The following SV2B variants were observed in gnomAD, a reference collection of about 807,000 sequenced individuals.
SV2B encodes the protein solute carrier family 22 member B2.
Under a neutral mutation model 73.9 loss-of-function variants are expected in SV2B, and 41 were observed. That is an observed-to-expected ratio of 0.56 (90% CI 0.43 to 0.72). The LOEUF (loss-of-function observed/expected upper bound fraction) is 0.72, where lower values mean the gene tolerates loss of function less well. Among genes scored for constraint, SV2B ranks in the 30% least tolerant of loss-of-function variants. The pLI is 0.00. For missense variants in SV2B, 764 were observed against 857.8 expected (o/e 0.89, Z 1.37); for synonymous variants, 314 against 314.2 (o/e 1.00, Z 0.01).
At chr15:91,213,549 C>T (rs1258904832) in intron 1 of SV2B, among the ~76,000 whole-genome samples, 2 of 152,034 alleles carry the variant, frequency 1.3e-5, no homozygotes, top group Non-Finnish European at 2.9e-5. Context: ...TTTCTCTCCA[C>T]CTCGAAGGCA....
intron 1 of SV2B, among the ~76,000 whole-genome samples, chr15:91,153,123 G>A (rs2043365667): frequency 6.6e-6 from 1 of 152,154 alleles, no homozygotes; most frequent in South Asian, 2.1e-4. Flanking sequence ...GGGAGATGGA[G>A]GGATCAGGCA....
intron 1 of SV2B, among the ~76,000 whole-genome samples, chr15:91,167,967 C>G (rs988517728): frequency 2.6e-5 from 4 of 152,036 alleles, no homozygotes; most frequent in Non-Finnish European, 5.9e-5. Flanking sequence ...TTTTCACGGC[C>G]TTTGTGGTGC....
Position 91,220,878 on chromosome 15 carries a change from T to A in SV2B, c.-391-4995T>A, listed in dbSNP as rs764846442. The stretch of plus-strand genomic sequence containing the variant: ...TTATTATTTTATTTTATTTTATTTT[T>A]TTGAGACAGGGGTCTCTCTCTTTCA... On this transcript the variant is annotated intron_variant, in intron 1 of 12. Coordinates refer to ENST00000394232, the MANE Select transcript of SV2B (RefSeq NM_001323032.3). The surrounding 1 kb of genome is among the most constrained non-coding windows in gnomAD (Gnocchi z 4.1). Among the ~76,000 whole-genome samples, 4 of 135,030 alleles carry A rather than the reference T, an allele frequency of 3.0e-5. No homozygotes were observed. Among genetic ancestry groups the A allele is most frequent in the Non-Finnish European group, 4.6e-5 (3 of 65,060 alleles). 88.6% of individuals were successfully genotyped at this position (135,030 alleles called of 152,430 possible).
intron 1 of SV2B, among the ~76,000 whole-genome samples, chr15:91,159,277 G>C (rs74506025): frequency 6.6e-6 from 1 of 152,048 alleles, no homozygotes; most frequent in Non-Finnish European, 1.5e-5. Context: ...TATAATGTTC[G>C]GTCTTTTACA....
chr15:91,246,065 C>CAAAAA (rs5814471), intron 2 of SV2B, among the ~76,000 whole-genome samples: 1 of 127,706 alleles, frequency 7.8e-6, no homozygotes, highest in African/African-American at 2.9e-5. Context: ...TATGAGTTAG[C>CAAAAA]AAAAAAAAAA....
intron 2 of SV2B, among the ~76,000 whole-genome samples, chr15:91,237,408 TG>T (rs934683769): frequency 1.3e-5 from 2 of 152,176 alleles, no homozygotes; most frequent in African/African-American, 2.4e-5. Flanking sequence ...AAATGTCCCC[TG>T]GGGGGAAAAA....
chr15:91,252,395 T>C lies in SV2B; in HGVS notation c.659T>C (p.Phe220Ser). Residue 220 changes from phenylalanine to serine, a missense_variant, in exon 4 of 13, where the codon TTT (phenylalanine) becomes TCT (serine). Physicochemically the swap from Phe to Ser is radical, Grantham distance 155. Transcript: ENST00000394232. The surrounding 1 kb of genome is among the most constrained non-coding windows in gnomAD (Gnocchi z 4.6). ...IGIGGALPIVFAYFSEFLSRE... is the reference protein window; with the variant it reads ...IGIGGALPIVSAYFSEFLSRE... ...ATTGGGGGTGCTCTACCGATTGTTT[T>C]TGCCTATTTTTCTGAATTCTTGTCT... 6.2e-7 allele frequency: 1 copy of C among 1,613,156 alleles called. No individual in the cohort carries two copies. Among genetic ancestry groups the C allele is most frequent in the African/African-American group, 1.3e-5 (1 of 74,964 alleles).
intron 1 of SV2B, among the ~76,000 whole-genome samples, chr15:91,138,998 T>C (rs144072280): frequency 7.7e-4 from 117 of 152,342 alleles, no homozygotes; most frequent in African/African-American, 2.7e-3. Context: ...ACCAGTGAAA[T>C]TACGAGACGA....
chr15:91,242,122 C>T lies in SV2B; in HGVS notation c.452-9697C>T, dbSNP rs375966921. ...AACTCTAACGGTTAGCCACTCTCTCCTCCTTGATGCGCTTTCTTTATTGGA... is the reference window on the plus strand; with the variant it reads ...AACTCTAACGGTTAGCCACTCTCTCTTCCTTGATGCGCTTTCTTTATTGGA... On this transcript the variant is annotated intron_variant, in intron 2 of 12. Coordinates refer to ENST00000394232, the MANE Select transcript of SV2B (RefSeq NM_001323032.3). This position sits in a 1 kb window ranked among gnomAD's most constrained non-coding sequence, Gnocchi z 4.9. Among the ~76,000 whole-genome samples, 3 of 152,220 alleles carry T rather than the reference C, an allele frequency of 2.0e-5. No individual in the cohort carries two copies. Among genetic ancestry groups the T allele is most frequent in the African/African-American group, 7.2e-5 (3 of 41,460 alleles).
rs1333809330 is a variant in SV2B at position 91,135,630 on chromosome 15, A to G, written c.-392+35267A>G. 2.0e-5 allele frequency among the ~76,000 whole-genome samples: 3 copies of G among 152,110 alleles called. No individual in the cohort carries two copies. The South Asian group carries it at 6.2e-4, about 32-fold the overall frequency. On this transcript the variant is annotated intron_variant, in intron 1 of 12. Coordinates refer to ENST00000394232, the MANE Select transcript of SV2B (RefSeq NM_001323032.3). ...GTCTGATATGAAAATCGAAACCATGACGCCATCCTGCCTGCTCATTCATAA... is the reference window on the plus strand; with the variant it reads ...GTCTGATATGAAAATCGAAACCATGGCGCCATCCTGCCTGCTCATTCATAA...
In SV2B at chr15:91,118,468, G is replaced by A. The variant is rs564582300; in HGVS notation, c.-392+18105G>A. Among the ~76,000 whole-genome samples the A allele has an allele frequency of 2.6e-5, 4 of 152,206 alleles. No homozygotes were observed. The highest frequency in any genetic ancestry group is 5.9e-5 in the Non-Finnish European group (4 of 68,040). On this transcript the variant is annotated intron_variant, in intron 1 of 12. Transcript: ENST00000394232. The surrounding 1 kb of genome is among the most constrained non-coding windows in gnomAD (Gnocchi z 4.7). ...TTTCCTTTGCATTCATTGAGGGCTT[G>A]GGAAGGTACAGAAAGCTCCACAGGA... is the stretch of plus-strand genomic sequence containing the variant.
At chr15:91,222,827 T>C (rs529890130) in intron 1 of SV2B, among the ~76,000 whole-genome samples, 1 of 152,344 alleles carries the variant, frequency 6.6e-6, no homozygotes, top group African/African-American at 2.4e-5. Flanking sequence ...TAAGAATAAA[T>C]GAGGTATTGC....
intron 11 of SV2B, among the ~76,000 whole-genome samples, chr15:91,285,055 G>A (rs1049868844): frequency 6.6e-6 from 1 of 152,018 alleles, no homozygotes; most frequent in Non-Finnish European, 1.5e-5. Context: ...CGTTGATTAG[G>A]AAAGTTAATA....
Position 91,288,403 on chromosome 15 carries a change from G to A in SV2B, c.1709-1118G>A, listed in dbSNP as rs1403843466. On this transcript the variant is annotated intron_variant, in intron 11 of 12. Transcript: ENST00000394232. The surrounding 1 kb of genome is among the most constrained non-coding windows in gnomAD (Gnocchi z 5.8). ...ACCACACATATATATGTTTTGTGGT[G>A]AGAATATTTGAAATTTACTCTCTTA... is the stretch of plus-strand genomic sequence containing the variant. Among the ~76,000 whole-genome samples, 2 of 152,112 alleles carry A rather than the reference G, an allele frequency of 1.3e-5. No homozygotes were observed. The highest frequency in any genetic ancestry group is 2.9e-5 in the Non-Finnish European group (2 of 68,018).
intron 2 of SV2B, among the ~76,000 whole-genome samples, chr15:91,250,909 C>T (rs1002805546): frequency 2.0e-5 from 3 of 152,188 alleles, no homozygotes; most frequent in African/African-American, 7.2e-5. Flanking sequence ...TCAATGCCGT[C>T]CCTATCAAAC....
intron 1 of SV2B, among the ~76,000 whole-genome samples, chr15:91,175,622 A>C (rs1420415153): frequency 6.6e-6 from 1 of 152,116 alleles, no homozygotes; most frequent in East Asian, 1.9e-4. Context: ...GAAACGTGTT[A>C]AGTATTTTAA....
intron 1 of SV2B, among the ~76,000 whole-genome samples, chr15:91,113,054 A>G (rs2042080621): frequency 6.6e-6 from 1 of 152,112 alleles, no homozygotes; most frequent in Admixed American, 6.5e-5. Flanking sequence ...CTAGTCCTGA[A>G]TTCCTGGCCT....
intron 1 of SV2B, among the ~76,000 whole-genome samples, chr15:91,222,587 G>A (rs1305376426): frequency 6.6e-6 from 1 of 152,184 alleles, no homozygotes; most frequent in Non-Finnish European, 1.5e-5. Flanking sequence ...TGGAAACTCA[G>A]TGTCAATGTG....
rs2301665 is a variant in SV2B at position 91,267,196 on chromosome 15, A to G, written c.1120-359A>G. Among the ~76,000 whole-genome samples, 61,382 of 152,080 alleles carry G rather than the reference A, an allele frequency of 0.4. 14,695 individuals carry two copies. Among genetic ancestry groups the G allele is most frequent in the African/African-American group, 0.66 (27,529 of 41,498 alleles). On this transcript the variant is annotated intron_variant, in intron 7 of 12. Coordinates refer to ENST00000394232, the MANE Select transcript of SV2B (RefSeq NM_001323032.3). The surrounding 1 kb of genome is among the most constrained non-coding windows in gnomAD (Gnocchi z 4.3). ...TGGGACTGGTTGGCCTTCATGGTGT[A>G]TGGTCAGTAAATGTTTGCAATATCC...
Sources: allele counts gnomAD v4.1 joint callset (sites outside exome capture counted in the v4.1 genomes callset), GRCh38; gene constraint gnomAD v4.1.1; non-coding constraint Gnocchi (gnomAD v3.1); transcripts MANE v1.5; gene names NCBI Gene and HGNC (gene_info 2026-07-23, HGNC 2026-07-21).